The following TENM4 variants were observed in gnomAD, a reference collection of about 807,000 sequenced individuals.
TENM4 encodes teneurin transmembrane protein 4, also known as teneurin-4.
Under a neutral mutation model 243.3 loss-of-function variants are expected in TENM4, and 82 were observed. The observed-to-expected ratio is 0.34, with a 90% CI of 0.28 to 0.40. The LOEUF is 0.40. Among genes scored for constraint, TENM4 ranks in the 10% least tolerant of loss-of-function variants. The pLI, the probability that TENM4 is intolerant of heterozygous loss-of-function variation, is 1.00. For missense variants in TENM4, 3,138 were observed against 3,673.3 expected (o/e 0.85, Z 3.77); for synonymous variants, 1,412 against 1,456.3 (o/e 0.97, Z 0.69).
At chr11:79,331,019 C>G (rs1485278407) in intron 1 of TENM4, among the ~76,000 whole-genome samples, 1 of 152,172 alleles carries the variant, frequency 6.6e-6, no homozygotes, top group Admixed American at 6.5e-5. Flanking sequence ...ACGTTTCCCT[C>G]TCCTGGCCAG....
At chr11:78,943,937 G>A (rs143430218) in intron 6 of TENM4, among the ~76,000 whole-genome samples, 197 of 152,318 alleles carry the variant, frequency 1.3e-3, no homozygotes, top group Admixed American at 2.0e-3. Context: ...TGTGTATAAC[G>A]TGCCTGCCTC....
At chr11:79,318,135 G>A (rs748093904) in intron 1 of TENM4, among the ~76,000 whole-genome samples, 1 of 152,158 alleles carries the variant, frequency 6.6e-6, no homozygotes. Flanking sequence ...TCTGAGAAAT[G>A]ATGATTTAAA....
intron 1 of TENM4, among the ~76,000 whole-genome samples, chr11:79,301,004 C>T (rs1480409069): frequency 6.6e-6 from 1 of 152,116 alleles, no homozygotes; most frequent in Non-Finnish European, 1.5e-5. Flanking sequence ...CTAAATACAC[C>T]TTGATTTGGC....
intron 6 of TENM4, among the ~76,000 whole-genome samples, chr11:79,004,941 C>CAAAAAAAAAAAAA (rs58631195): frequency 2.3e-5 from 2 of 87,794 alleles, no homozygotes; most frequent in Non-Finnish European, 4.8e-5. Flanking sequence ...ATAGAAATAC[C>CAAAAAAAAAAAAA]AAAAAAAAAA....
At chr11:79,312,806 A>G (rs1185161171) in intron 1 of TENM4, among the ~76,000 whole-genome samples, 1 of 152,200 alleles carries the variant, frequency 6.6e-6, no homozygotes, top group African/African-American at 2.4e-5. Context: ...AACCCCTGCC[A>G]AGCCTGCCAC....
intron 6 of TENM4, among the ~76,000 whole-genome samples, chr11:79,053,108 TACAA>T (rs1859843799): frequency 6.6e-6 from 1 of 152,230 alleles, no homozygotes; most frequent in African/African-American, 2.4e-5. Context: ...TAATTATATA[TACAA>T]ACAAACTCTT....
At chr11:79,349,916 G>A (rs1857387426) in intron 1 of TENM4, among the ~76,000 whole-genome samples, 1 of 152,210 alleles carries the variant, frequency 6.6e-6, no homozygotes, top group Admixed American at 6.5e-5. Context: ...ATAATGCCAA[G>A]TCTCATGTCT....
intron 1 of TENM4, among the ~76,000 whole-genome samples, chr11:79,390,338 A>G (rs1016701624): frequency 1.3e-5 from 2 of 152,234 alleles, no homozygotes; most frequent in African/African-American, 4.8e-5. Flanking sequence ...GGAAAGGGCT[A>G]GAGTCCCTTC....
At chr11:79,276,486 G>T (rs918717358) in intron 2 of TENM4, among the ~76,000 whole-genome samples, 1 of 151,358 alleles carries the variant, frequency 6.6e-6, no homozygotes, top group Non-Finnish European at 1.5e-5. Context: ...ATGTTTGGAG[G>T]GGGGTGGGAG....
intron 16 of TENM4, among the ~76,000 whole-genome samples, chr11:78,786,248 A>G (rs758926984): frequency 1.5e-4 from 23 of 152,220 alleles, no homozygotes; most frequent in Non-Finnish European, 2.8e-4. Flanking sequence ...ACAAATGCAG[A>G]CAGGATGGAA....
chr11:79,369,839 A>G (rs1251874632), intron 1 of TENM4, among the ~76,000 whole-genome samples: 1 of 152,206 alleles, frequency 6.6e-6, no homozygotes, highest in Admixed American at 6.5e-5. Flanking sequence ...AGCACTGACC[A>G]TGGTGGCAAA....
chr11:79,192,405 C>G (rs948480035), intron 3 of TENM4, among the ~76,000 whole-genome samples: 6 of 152,318 alleles, frequency 3.9e-5, no homozygotes, highest in Non-Finnish European at 7.4e-5. Context: ...GGAGACTTTT[C>G]ATTTTGTTCT....
At chr11:78,959,011 A>T (rs948789422) in intron 6 of TENM4, among the ~76,000 whole-genome samples, 4 of 152,218 alleles carry the variant, frequency 2.6e-5, no homozygotes, top group African/African-American at 9.6e-5. Context: ...TGGAGCAACC[A>T]ATGCTTTCAG....
intron 28 of TENM4, among the ~76,000 whole-genome samples, chr11:78,693,065 C>T (rs1245697894): frequency 2.6e-5 from 4 of 152,072 alleles, no homozygotes; most frequent in Non-Finnish European, 5.9e-5. Context: ...AGAGGAGTAC[C>T]CAGCAGGTAG....
chr11:79,293,333 C>T (rs936403743), intron 2 of TENM4, among the ~76,000 whole-genome samples: 1 of 151,374 alleles, frequency 6.6e-6, no homozygotes, highest in Non-Finnish European at 1.5e-5. Context: ...ATAGTGAAAC[C>T]CCATCTCTAC....
chr11:79,125,672 C>T (rs1052494884), intron 4 of TENM4, among the ~76,000 whole-genome samples: 4 of 152,094 alleles, frequency 2.6e-5, no homozygotes, highest in African/African-American at 9.7e-5. Flanking sequence ...GGCAACATTC[C>T]CTCCCTGACC....
chr11:79,335,104 A>G (rs559651285), intron 1 of TENM4, among the ~76,000 whole-genome samples: 1 of 152,342 alleles, frequency 6.6e-6, no homozygotes, highest in African/African-American at 2.4e-5. Flanking sequence ...AGGGTTTGTT[A>G]CAATCCTATT....
At chr11:79,303,522 C>T (rs1430331928) in intron 1 of TENM4, among the ~76,000 whole-genome samples, 1 of 152,172 alleles carries the variant, frequency 6.6e-6, no homozygotes, top group African/African-American at 2.4e-5. Context: ...AGACATTGTC[C>T]TAAGCACTTT....
At chr11:78,736,264 C>T (rs1855790348) in intron 20 of TENM4, among the ~76,000 whole-genome samples, 1 of 152,200 alleles carries the variant, frequency 6.6e-6, no homozygotes, top group Admixed American at 6.5e-5. Flanking sequence ...ATGTGAGCCA[C>T]TGCATCTGGC....
Sources: allele counts gnomAD v4.1 joint callset (sites outside exome capture counted in the v4.1 genomes callset), GRCh38; gene constraint gnomAD v4.1.1; transcripts MANE v1.5; gene names NCBI Gene and HGNC (gene_info 2026-07-23, HGNC 2026-07-21).